The following DNAH17 variants were observed in gnomAD, a reference collection of about 807,000 sequenced individuals.
DNAH17 encodes dynein axonemal heavy chain 17, also known as axonemal beta dynein heavy chain 17.
A neutral mutation model predicts 485.6 loss-of-function variants in DNAH17; 376 were observed. That is an observed-to-expected ratio of 0.77 (90% CI 0.71 to 0.84). The LOEUF (loss-of-function observed/expected upper bound fraction) is 0.84. Among genes scored for constraint, DNAH17 ranks in the 40% least tolerant of loss-of-function variants. The pLI is 0.00. For synonymous variants in DNAH17, 3,031 were observed against 2,405.9 expected (o/e 1.26, Z -7.60); for missense variants, 6,370 against 5,839.3 (o/e 1.09, Z -2.96).
rs376649137 is a variant in DNAH17, at chr17:78,551,638, C to T, written c.2288G>A (p.Gly763Asp). The T allele has an allele frequency of 3.7e-6, 6 of 1,613,624 alleles. No individual in the cohort carries two copies. The highest frequency in any genetic ancestry group is 5.1e-6 in the Non-Finnish European group (6 of 1,179,718). ...CACCTCTTGAATGTACTGAAACACA[C>T]CTAAAATGGAAATGTAGAGGAATCT... ...AETTLFWNGE[G>D]VFQYIQEVRE... is the part of the protein sequence containing the mutation. Residue 763 changes from glycine (G) to aspartate (D), a missense_variant and splice_region_variant, in exon 16 of 81, where the codon GGT becomes GAT. Coordinates refer to ENST00000389840, the MANE Select transcript of DNAH17 (RefSeq NM_173628.4).
At chr17:78,483,889 G>C (rs571359425) in intron 48 of DNAH17, among the ~76,000 whole-genome samples, 2 of 151,958 alleles carry the variant, frequency 1.3e-5, no homozygotes, top group African/African-American at 4.8e-5. Flanking sequence ...CTGAGGTCAG[G>C]AGTTCGAGAA....
rs759711658 is a variant in DNAH17 at position 78,490,789 on chromosome 17, A to C, written c.6728T>G (p.Phe2243Cys). The change falls in exon 44 of 81, where the codon TTC (phenylalanine) becomes TGC (cysteine). Residue 2243 changes from phenylalanine to cysteine, a missense_variant. Coordinates refer to ENST00000389840, the MANE Select transcript of DNAH17 (RefSeq NM_173628.4). ...IPLNRTMRLV[F>C]EISHLRTATP... Reference sequence around the variant, plus strand: ...GGCCGTCCTCAGGTGGCTGATTTCGAACACCAGCCTCATGGTGCGGTTCAG... The same window carrying C: ...GGCCGTCCTCAGGTGGCTGATTTCGCACACCAGCCTCATGGTGCGGTTCAG... The C allele has an allele frequency of 6.2e-7, 1 of 1,604,768 alleles. No individual in the cohort carries two copies. The highest frequency in any genetic ancestry group is 1.1e-5 in the South Asian group (1 of 89,096).
At chr17:78,527,811 C>G (rs1410560166) in intron 22 of DNAH17, among the ~76,000 whole-genome samples, 1 of 152,184 alleles carries the variant, frequency 6.6e-6, no homozygotes, top group Non-Finnish European at 1.5e-5. Context: ...CAGAGTCTCA[C>G]TCTACTGCTG....
At chr17:78,425,625 G>C in intron 79 of DNAH17, 54 bp from the exon 80 acceptor site, 3 of 1,496,968 alleles carry the variant, frequency 2.0e-6, no homozygotes, top group Non-Finnish European at 2.7e-6. Flanking sequence ...ACATGGGAAC[G>C]ACCGGGCCTT....
intron 25 of DNAH17, among the ~76,000 whole-genome samples, chr17:78,521,531 T>C (rs1365137067): frequency 6.6e-6 from 1 of 151,996 alleles, no homozygotes; most frequent in Non-Finnish European, 1.5e-5. Flanking sequence ...TCACTCCTTA[T>C]ACAAAAATTA....
rs746488712 is a variant in DNAH17, at chr17:78,502,693, G to A, written c.5088C>T (p.Ala1696=). The change falls in exon 33 of 81, where the codon GCC becomes GCT. Residue 1696 remains alanine, a synonymous_variant. Coordinates refer to ENST00000389840, the MANE Select transcript of DNAH17 (RefSeq NM_173628.4). ...QWILDYPAQV[A]LTCTQIWWTT... ...TCCACCAGATCTGGGTGCAAGTCAG[G>A]GCCACCTGAAAGTACATACCCCCCA... 1.9e-6 allele frequency: 3 copies of A among 1,611,552 alleles called. No homozygotes were observed. The highest frequency in any genetic ancestry group is 2.5e-6 in the Non-Finnish European group (3 of 1,179,862).
Position 78,569,447 on chromosome 17 carries a change from C to A in DNAH17, c.1125G>T (p.Leu375=), listed in dbSNP as rs752880467. 1.1e-5 allele frequency: 17 copies of A among 1,612,044 alleles called. No individual in the cohort carries two copies. The African/African-American group carries it at 2.0e-4, about 19-fold the overall frequency. The change falls in exon 8 of 81, where the codon CTG becomes CTT. Residue 375 remains leucine (L), a synonymous_variant. Coordinates refer to ENST00000389840, the MANE Select transcript of DNAH17 (RefSeq NM_173628.4). ...AGAGCTCCTTCAGCACATTTACAGC[C>A]AGGGAGATGCCACTCAGGACTTCCT... ...EIEEVLSGIS[L]AVNVLKELYQ... is the part of the protein sequence containing the mutation.
rs1460139796 is a variant in DNAH17, at chr17:78,478,434, TCATTACCAA to T, written c.7992+582_7992+590del. Among the ~76,000 whole-genome samples, 10 of 147,596 alleles carry T rather than the reference TCATTACCAA, an allele frequency of 6.8e-5. No individual in the cohort carries two copies. In the South Asian group the frequency reaches 2.2e-3, roughly 32 times the overall value. On this transcript the variant is annotated intron_variant, in intron 51 of 80. Transcript: ENST00000389840. The stretch of plus-strand genomic sequence containing the variant: ...ACCACTATCACCATCATCACCACCA[TCATTACCAA>T]CATTACCATCACCATCACTATTGCC...
chr17:78,448,202 G>GAA (rs59164677), intron 69 of DNAH17, among the ~76,000 whole-genome samples: 154 of 138,994 alleles, frequency 1.1e-3, no homozygotes, highest in African/African-American at 3.8e-3. Flanking sequence ...AACCAGAACA[G>GAA]AAAAAAAAAA....
rs777612782 is a variant in DNAH17, at chr17:78,485,198, G to A, written c.7484-165C>T. 8.6e-5 allele frequency: 71 copies of A among 830,076 alleles called. 1 individual carries two copies. Among genetic ancestry groups the A allele is most frequent in the Middle Eastern group, 7.2e-4 (2 of 2,782 alleles). 51.4% of individuals were successfully genotyped at this position (830,076 alleles called of 1,614,324 possible). On this transcript the variant is annotated intron_variant, in intron 47 of 80. Transcript: ENST00000389840. ...TGGGAGTGGCCCTTGAGGGGGCACCGGGTACAGCCCCAGGAATAAACAGAG... is the reference window on the plus strand; with the variant it reads ...TGGGAGTGGCCCTTGAGGGGGCACCAGGTACAGCCCCAGGAATAAACAGAG...
chr17:78,536,283 T>C (rs569612050), intron 19 of DNAH17, among the ~76,000 whole-genome samples: 260 of 148,616 alleles, frequency 1.7e-3, no homozygotes, highest in African/African-American at 6.6e-3. Context: ...ACTAAAAATA[T>C]ATAAAAAAAA....
intron 16 of DNAH17, among the ~76,000 whole-genome samples, chr17:78,546,754 A>G (rs140539306): frequency 7.6e-4 from 116 of 152,252 alleles, no homozygotes; most frequent in Non-Finnish European, 1.4e-3. Flanking sequence ...AAAAATACAA[A>G]AATTTACCAG....
At chr17:78,459,508 G>C (rs8071890) in intron 60 of DNAH17, among the ~76,000 whole-genome samples, 1 of 152,224 alleles carries the variant, frequency 6.6e-6, no homozygotes, top group Non-Finnish European at 1.5e-5. Context: ...GACGGTATTC[G>C]TGTGTGCAAT....
chr17:78,552,730 T>C lies in DNAH17; in HGVS notation c.2254A>G (p.Ser752Gly). The change falls in exon 15 of 81, where the codon AGC becomes GGC. Residue 752 changes from serine (S) to glycine (G), a missense_variant. Transcript: ENST00000389840. ...TTCCAGAATAATGTCGTTTCAGCGC[T>C]CAATAACTTGACATCAATTGCTTCC... ...ELEAIDVKLL[S>G]AETTLFWNGE... 6.2e-7 allele frequency: 1 copy of C among 1,613,946 alleles called. No homozygotes were observed. The highest frequency in any genetic ancestry group is 1.1e-5 in the South Asian group (1 of 91,080).
In DNAH17 at chr17:78,569,217, A is replaced by G. The variant is rs1459740613; in HGVS notation, c.1233T>C (p.Ser411=). The part of the protein sequence containing the change: ...KEPVPWEFPS[S]LAFSRINSFF... ...AGGAATTTATCCTGGAAAAGGCAAG[A>G]GAAGAAGGGAATTCCCAAGGCACGG... is the stretch of plus-strand genomic sequence containing the variant. The change falls in exon 9 of 81, where the codon TCT becomes TCC. Residue 411 remains serine (S), a synonymous_variant. Transcript: ENST00000389840. The G allele has an allele frequency of 4.3e-6, 7 of 1,609,566 alleles. No homozygotes were observed. Among genetic ancestry groups the G allele is most frequent in the Non-Finnish European group, 5.1e-6 (6 of 1,177,934 alleles).
At chr17:78,446,546 C>T (rs535188254) in intron 69 of DNAH17, among the ~76,000 whole-genome samples, 5 of 152,348 alleles carry the variant, frequency 3.3e-5, no homozygotes, top group East Asian at 3.9e-4. Context: ...AATATAACCA[C>T]GCTGGCATTC....
At chr17:78,570,198 A>G in intron 7 of DNAH17, 49 bp downstream of exon 7, 1 of 1,531,136 alleles carries the variant, frequency 6.5e-7, no homozygotes, top group Non-Finnish European at 8.8e-7. Context: ...CGGGGAGGGG[A>G]CCCAGCCAGG....
intron 38 of DNAH17, among the ~76,000 whole-genome samples, chr17:78,495,437 GT>G (rs147600821): frequency 0.12 from 16,717 of 134,810 alleles, 971 homozygotes; most frequent in Middle Eastern, 0.16. Flanking sequence ...TCCTGGGAGT[GT>G]TTTTTTTTTT....
chr17:78,543,812 T>C, intron 17 of DNAH17, 45 bp downstream of exon 17: 2 of 1,613,740 alleles, frequency 1.2e-6, no homozygotes, highest in East Asian at 4.5e-5. Flanking sequence ...TCCTCCCTGC[T>C]AAAAGCAAGT....
Sources: gnomAD v4.1 joint callset for allele counts (sites outside exome capture counted in the v4.1 genomes callset) on GRCh38, gnomAD v4.1.1 for gene constraint, MANE v1.5 for transcripts, NCBI Gene and HGNC (gene_info 2026-07-23, HGNC 2026-07-21) for gene names.